The following PPME1 variants were observed in gnomAD, a reference collection of about 807,000 sequenced individuals.
PPME1 encodes testicular secretory protein Li 39.
In PPME1, 17 loss-of-function variants were observed where a neutral mutation model predicts 56.9. That is an observed-to-expected ratio of 0.30 (90% confidence interval 0.20 to 0.45). The LOEUF (loss-of-function observed/expected upper bound fraction) is 0.45, where lower values mean the gene tolerates loss of function less well. Among genes scored for constraint, PPME1 ranks in the 20% least tolerant of loss-of-function variants. The pLI is 1.00. For synonymous variants in PPME1, 122 were observed against 156.2 expected (o/e 0.78, Z 1.63); for missense variants, 357 against 483.2 (o/e 0.74, Z 2.45).
Position 74,175,771 on chromosome 11 carries a change from A to G in PPME1, c.101+4249A>G, listed in dbSNP as rs376360135. The stretch of plus-strand genomic sequence containing the variant: ...ATATAGTAGTCCCTTTTTATATTCT[A>G]TGAGGTAAACTAGGGCAGGAGTTAA... On this transcript the variant is annotated intron_variant, in intron 1 of 13. Transcript: ENST00000328257. Among the ~76,000 whole-genome samples, 8 of 152,330 alleles carry G rather than the reference A, an allele frequency of 5.3e-5. No individual in the cohort carries two copies. In the South Asian group the frequency reaches 1.0e-3, roughly 20 times the overall value.
chr11:74,201,266 C>T (rs969118542), intron 1 of PPME1, among the ~76,000 whole-genome samples: 3 of 152,030 alleles, frequency 2.0e-5, no homozygotes, highest in African/African-American at 4.8e-5. Context: ...TGAGCCACCG[C>T]GCCCGGCTAC....
chr11:74,209,035 T>G (rs1014349273), intron 3 of PPME1, among the ~76,000 whole-genome samples: 64 of 152,300 alleles, frequency 4.2e-4, no homozygotes, highest in Middle Eastern at 3.4e-3. Flanking sequence ...AAGGGGCTTG[T>G]ATACCTAGCT....
At chr11:74,225,991 G>A (rs1294088720) in intron 5 of PPME1, among the ~76,000 whole-genome samples, 1 of 152,014 alleles carries the variant, frequency 6.6e-6, no homozygotes, top group Non-Finnish European at 1.5e-5. Context: ...TGGTCACTTT[G>A]GCCAAAAATA....
intron 1 of PPME1, among the ~76,000 whole-genome samples, chr11:74,195,232 C>T (rs542248872): frequency 4.6e-5 from 7 of 152,282 alleles, no homozygotes; most frequent in East Asian, 1.9e-4. Flanking sequence ...TGTCTCTCCT[C>T]GAGAGCATCT....
intron 13 of PPME1, among the ~76,000 whole-genome samples, chr11:74,253,183 C>T (rs189596204): frequency 6.6e-6 from 1 of 152,238 alleles, no homozygotes; most frequent in Non-Finnish European, 1.5e-5. Flanking sequence ...ACCACAGAAG[C>T]GACACCCCTA....
chr11:74,237,199 C>T (rs562499238), intron 8 of PPME1, among the ~76,000 whole-genome samples: 1 of 151,532 alleles, frequency 6.6e-6, no homozygotes, highest in East Asian at 1.9e-4. Context: ...TCATCGGGTT[C>T]AGGTGTTTTG....
chr11:74,239,804 T>A (rs1428734994), intron 9 of PPME1, among the ~76,000 whole-genome samples: 1 of 151,764 alleles, frequency 6.6e-6, no homozygotes, highest in Non-Finnish European at 1.5e-5. Flanking sequence ...ATGGTCTCAA[T>A]CTCCTGACCT....
chr11:74,237,240 G>A (rs775025978), intron 8 of PPME1, among the ~76,000 whole-genome samples: 50 of 149,786 alleles, frequency 3.3e-4, no homozygotes, highest in Non-Finnish European at 6.4e-4. Flanking sequence ...GTGATGTTGC[G>A]TACTGCCATC....
intron 1 of PPME1, among the ~76,000 whole-genome samples, chr11:74,179,821 T>A (rs1857486246): frequency 6.6e-6 from 1 of 152,212 alleles, no homozygotes. Context: ...CTTTTCATTC[T>A]CTTCAAAGTA....
At chr11:74,220,239 T>TAATATGAGATTATCTGAG (rs1418373545) in intron 3 of PPME1, among the ~76,000 whole-genome samples, 3 of 152,168 alleles carry the variant, frequency 2.0e-5, no homozygotes, top group Non-Finnish European at 4.4e-5. Context: ...CTTAAGAAGA[T>TAATATGAGATTATCTGAG]AATATGAGAT....
At chr11:74,243,845 G>T (rs117982146) in intron 9 of PPME1, among the ~76,000 whole-genome samples, 22 of 148,062 alleles carry the variant, frequency 1.5e-4, no homozygotes, top group Middle Eastern at 3.5e-3. Context: ...CATAAAATAT[G>T]CCATCTTGGT....
chr11:74,181,467 A>G lies in PPME1; in HGVS notation c.101+9945A>G, dbSNP rs372917599. 3.3e-5 allele frequency among the ~76,000 whole-genome samples: 5 copies of G among 152,056 alleles called. No individual in the cohort carries two copies. The South Asian group carries it at 6.2e-4, about 19-fold the overall frequency. On this transcript the variant is annotated intron_variant, in intron 1 of 13. Coordinates refer to ENST00000328257, the MANE Select transcript of PPME1 (RefSeq NM_016147.3). Reference sequence around the variant, plus strand: ...ACAATTTTGGCATCTCCACTCATCAATTGTTTGCATTGGTATTGTACTTTT... The same window carrying G: ...ACAATTTTGGCATCTCCACTCATCAGTTGTTTGCATTGGTATTGTACTTTT...
chr11:74,209,495 G>GT (rs1318679836), intron 3 of PPME1, among the ~76,000 whole-genome samples: 1 of 152,162 alleles, frequency 6.6e-6, no homozygotes, highest in Non-Finnish European at 1.5e-5. Flanking sequence ...TGGAAAGCAT[G>GT]TTTTGCTTGA....
chr11:74,179,237 G>A (rs60044681), intron 1 of PPME1, among the ~76,000 whole-genome samples: 19,976 of 152,092 alleles, frequency 0.13, 3,602 homozygotes, highest in African/African-American at 0.41. Context: ...CCTGGGCCTC[G>A]TTATCATGGA....
At chr11:74,247,145 C>A in intron 11 of PPME1, 22 bp downstream of exon 11, 1 of 1,594,520 alleles carries the variant, frequency 6.3e-7, no homozygotes, top group Admixed American at 1.7e-5. Context: ...AGAAATTATA[C>A]CCCTGGACCC....
chr11:74,213,693 A>G (rs1467113309), intron 3 of PPME1, among the ~76,000 whole-genome samples: 1 of 152,236 alleles, frequency 6.6e-6, no homozygotes, highest in Non-Finnish European at 1.5e-5. Context: ...TCTGTCTGGT[A>G]ATCCAGAGAA....
intron 3 of PPME1, among the ~76,000 whole-genome samples, chr11:74,220,366 T>A (rs1216525021): frequency 2.0e-5 from 3 of 152,210 alleles, no homozygotes; most frequent in Non-Finnish European, 4.4e-5. Flanking sequence ...GCCTTCATTT[T>A]GGGTATACAT....
intron 11 of PPME1, chr11:74,250,175 A>C (rs1859619204): frequency 6.6e-6 from 1 of 152,174 alleles, no homozygotes; most frequent in Non-Finnish European, 1.5e-5. Flanking sequence ...TTATTTTATA[A>C]ATAGAGAATC....
chr11:74,201,075 A>G (rs954196377), intron 1 of PPME1, among the ~76,000 whole-genome samples: 7 of 151,734 alleles, frequency 4.6e-5, no homozygotes, highest in African/African-American at 1.7e-4. Context: ...TCCCGGGTTC[A>G]TGCCATTCTC....
Sources: allele counts gnomAD v4.1 joint callset (sites outside exome capture counted in the v4.1 genomes callset), GRCh38; gene constraint gnomAD v4.1.1; transcripts MANE v1.5; gene names NCBI Gene and HGNC (gene_info 2026-07-23, HGNC 2026-07-21).